ARMC2: variants seen among roughly 807,000 people sequenced by gnomAD.
The protein encoded by ARMC2 is armadillo repeat-containing protein 2.
In ARMC2, 67 loss-of-function variants were observed where a neutral mutation model predicts 90.3. The observed-to-expected ratio is 0.74, with a 90% CI of 0.61 to 0.91. The LOEUF is 0.91. Ranked by LOEUF, ARMC2 falls within the 40% of genes least tolerant of loss-of-function variation. The pLI is 0.00. For synonymous variants in ARMC2, 393 were observed against 393.0 expected (o/e 1.00, Z 0.00); for missense variants, 920 against 1,030.9 (o/e 0.89, Z 1.47).
the ARMC2 span, among the ~76,000 whole-genome samples, chr6:109,028,467 A>T: frequency 4.3e-4 from 65 of 152,124 alleles, no homozygotes; most frequent in African/African-American, 1.5e-3. Context: ...GTACATTTGC[A>T]TGTATGTATG....
the ARMC2 span, among the ~76,000 whole-genome samples, chr6:108,992,523 C>T: frequency 7.9e-5 from 12 of 152,064 alleles, no homozygotes; most frequent in South Asian, 6.2e-4. Context: ...TATTTGGGAA[C>T]GCTGGGAGTA....
In ARMC2 at chr6:108,973,461, C is replaced by T. The variant is rs1321489631; in HGVS notation, c.2551C>T (p.Arg851Ter). 6.2e-6 allele frequency: 10 copies of T among 1,613,718 alleles called. No homozygotes were observed. Among genetic ancestry groups the T allele is most frequent in the Non-Finnish European group, 7.6e-6 (9 of 1,179,714 alleles). Reference sequence around the variant, plus strand: ...ACCTGTGGCACAGCAGCTTCTAAACCGAATTCAGAGACATCACACCTTCCT... The same window carrying T: ...ACCTGTGGCACAGCAGCTTCTAAACTGAATTCAGAGACATCACACCTTCCT... ...FKPVAQQLLN[R>*]IQRHHTFLEP... Residue 851 changes from arginine to a stop codon, truncating the protein, a stop_gained, in exon 18 of 18, where the codon CGA (arginine) becomes TGA (stop). Coordinates refer to ENST00000392644, the MANE Select transcript of ARMC2 (RefSeq NM_032131.6). LOFTEE classifies it high-confidence loss of function.
chr6:109,004,438 CTT>C, the ARMC2 span, among the ~76,000 whole-genome samples: 41 of 142,544 alleles, frequency 2.9e-4, no homozygotes, highest in Admixed American at 3.5e-4. Flanking sequence ...CCCCAACAAT[CTT>C]TTTTTTTTTT....
rs1189104444 is a variant in ARMC2 at position 108,856,626 on chromosome 6, C to T, written c.219-1573C>T. ...TGGCTCTTGTCTGACGCTTTGACAG[C>T]TTCGCAAATTCCTTGTGCTAGGCTG... On this transcript the variant is annotated intron_variant, in intron 2 of 17. Transcript: ENST00000392644. 3.2e-5 allele frequency: 6 copies of T among 187,388 alleles called. No homozygotes were observed. The East Asian group carries it at 6.9e-4, about 22-fold the overall frequency. 11.6% of individuals were successfully genotyped at this position (187,388 alleles called of 1,614,324 possible).
At chr6:109,009,211 G>A in the ARMC2 span, 8 of 829,362 alleles carry the variant, frequency 9.6e-6, no homozygotes, top group Admixed American at 1.7e-4. Context: ...TGCTCCCCGG[G>A]AGCCCGCCCT....
intron 17 of ARMC2, among the ~76,000 whole-genome samples, chr6:108,969,857 C>T (rs1234620627): frequency 2.6e-5 from 4 of 151,970 alleles, no homozygotes; most frequent in East Asian, 1.9e-4. Flanking sequence ...GCTTGGGCAA[C>T]GTAGTGAGAC....
chr6:108,883,041 G>A (rs1051349359), intron 5 of ARMC2, among the ~76,000 whole-genome samples: 10 of 152,298 alleles, frequency 6.6e-5, no homozygotes, highest in East Asian at 5.8e-4. Context: ...TACATAGTAC[G>A]CACTCAGTGA....
At chr6:108,993,792 T>C in the ARMC2 span, among the ~76,000 whole-genome samples, 1 of 152,094 alleles carries the variant, frequency 6.6e-6, no homozygotes, top group African/African-American at 2.4e-5. Context: ...TTGCCCCAAC[T>C]AGTCTGGAAT....
In ARMC2 at chr6:108,961,427, AGTG is replaced by A. The variant is rs1394778225; in HGVS notation, c.1916-142_1916-140del. On this transcript the variant is annotated intron_variant, in intron 13 of 17. Coordinates refer to ENST00000392644, the MANE Select transcript of ARMC2 (RefSeq NM_032131.6). Reference sequence around the variant, plus strand: ...GTGCAGGAGGAGTCGGGGGAAATCAAGTGGTAAAGGTGCCTCTCCAGGGCCTTT... The same window carrying A: ...GTGCAGGAGGAGTCGGGGGAAATCAAGTAAAGGTGCCTCTCCAGGGCCTTT... 4 of 758,270 alleles carry A rather than the reference AGTG, an allele frequency of 5.3e-6. No homozygotes were observed. The African/African-American group carries it at 7.1e-5, about 13-fold the overall frequency. 47.0% of individuals were successfully genotyped at this position (758,270 alleles called of 1,614,324 possible). A position where few individuals can be genotyped will look rare whatever the true frequency, so the allele number is the denominator to read the frequency against.
In ARMC2 at chr6:108,912,484, T is replaced by C; in HGVS notation, c.1276T>C (p.Leu426=). The part of the protein sequence containing the change: ...SKGAVEILIN[L]IKQINENIKK... ...AGGTGCTGTGGAAATACTGATAAATTTGATAAAACAAATAAATGAGAACAT... is the reference window on the plus strand; with the variant it reads ...AGGTGCTGTGGAAATACTGATAAATCTGATAAAACAAATAAATGAGAACAT... Residue 426 remains leucine, a synonymous_variant, in exon 10 of 18, where the codon TTG becomes CTG. Transcript: ENST00000392644. 2 of 1,613,974 alleles carry C rather than the reference T, an allele frequency of 1.2e-6. No homozygotes were observed. Among genetic ancestry groups the C allele is most frequent in the Non-Finnish European group, 1.7e-6 (2 of 1,179,878 alleles).
Position 108,898,871 on chromosome 6 carries a change from A to C in ARMC2, c.749-823A>C, listed in dbSNP as rs148645453. 5.8e-3 allele frequency among the ~76,000 whole-genome samples: 880 copies of C among 152,326 alleles called. 6 individuals carry two copies. Among genetic ancestry groups the C allele is most frequent in the African/African-American group, 0.021 (857 of 41,558 alleles). ...ATGGTTGCTATTCCCTACAACCCATATTCACAGGCAGCATCTACTCTTGAT... is the reference window on the plus strand; with the variant it reads ...ATGGTTGCTATTCCCTACAACCCATCTTCACAGGCAGCATCTACTCTTGAT... On this transcript the variant is annotated intron_variant, in intron 6 of 17. Coordinates refer to ENST00000392644, the MANE Select transcript of ARMC2 (RefSeq NM_032131.6).
chr6:109,043,305 A>G, the ARMC2 span, among the ~76,000 whole-genome samples: 1 of 152,140 alleles, frequency 6.6e-6, no homozygotes, highest in Middle Eastern at 3.2e-3. Context: ...TACTCTCACC[A>G]CTCTTACACA....
At chr6:108,906,048 T>A (rs945168764) in intron 8 of ARMC2, among the ~76,000 whole-genome samples, 1 of 152,202 alleles carries the variant, frequency 6.6e-6, no homozygotes, top group African/African-American at 2.4e-5. Context: ...ACTAAAGCTA[T>A]ATGGGACTAA....
the ARMC2 span, among the ~76,000 whole-genome samples, chr6:109,011,136 C>G: frequency 9.8e-4 from 149 of 152,292 alleles, 1 homozygote; most frequent in African/African-American, 3.2e-3. Flanking sequence ...GAATGCTTAT[C>G]TTTCCATTTT....
the ARMC2 span, among the ~76,000 whole-genome samples, chr6:109,010,861 C>G: frequency 3.2e-4 from 49 of 152,232 alleles, no homozygotes; most frequent in African/African-American, 1.2e-3. Context: ...TAAGCAAATA[C>G]AAAAACAAAA....
chr6:108,892,067 A>G (rs542346502), intron 5 of ARMC2, among the ~76,000 whole-genome samples: 1 of 152,308 alleles, frequency 6.6e-6, no homozygotes, highest in Admixed American at 6.5e-5. Context: ...CTTGAGGGAG[A>G]GTGGACCAGT....
At chr6:109,022,587 ATTTATTT>A in the ARMC2 span, among the ~76,000 whole-genome samples, 1 of 151,026 alleles carries the variant, frequency 6.6e-6, no homozygotes, top group Non-Finnish European at 1.5e-5. Context: ...TTTTTGTATT[ATTTATTT>A]TTTAAGTAGA....
At chr6:108,938,599 C>CTTTTTT (rs4027582) in intron 12 of ARMC2, among the ~76,000 whole-genome samples, 26 of 83,102 alleles carry the variant, frequency 3.1e-4, no homozygotes, top group South Asian at 1.5e-3. Flanking sequence ...CCATTACTAC[C>CTTTTTT]TTTTTTTTTT....
intron 13 of ARMC2, among the ~76,000 whole-genome samples, chr6:108,956,534 T>TAA (rs112863867): frequency 0.13 from 17,279 of 134,844 alleles, 1,121 homozygotes; most frequent in South Asian, 0.24. Flanking sequence ...CTGTCTCTAT[T>TAA]AAAAAAAAAA....
Sources: allele counts gnomAD v4.1 joint callset (sites outside exome capture counted in the v4.1 genomes callset), GRCh38; gene constraint gnomAD v4.1.1; transcripts MANE v1.5; gene names NCBI Gene and HGNC (gene_info 2026-07-23, HGNC 2026-07-21).